Variants in ZCCHC8 observed in about 807,000 individuals in gnomAD.
ZCCHC8 encodes the protein zinc finger CCHC-type containing 8.
ZCCHC8 carries 27 observed loss-of-function variants against 70.6 expected under a neutral mutation model. The observed-to-expected ratio is 0.38, with a 90% CI of 0.28 to 0.53. ZCCHC8 has a LOEUF of 0.53. ZCCHC8 is among the 20% of genes least tolerant of loss of function. The pLI is 0.81. For synonymous variants in ZCCHC8, 293 were observed against 317.4 expected (o/e 0.92, Z 0.82); for missense variants, 737 against 876.9 (o/e 0.84, Z 2.01).
At chr12:122,488,357 T>C (rs7294365) in intron 5 of ZCCHC8, among the ~76,000 whole-genome samples, 6,888 of 151,896 alleles carry the variant, frequency 0.045, 537 homozygotes, top group African/African-American at 0.16. Context: ...CTTAAGAATT[T>C]TTCATAGAGA....
intron 5 of ZCCHC8, chr12:122,484,026 C>G (rs1476154394): frequency 1.2e-5 from 2 of 161,230 alleles, no homozygotes; most frequent in African/African-American, 4.8e-5. Flanking sequence ...TTCACCTAAA[C>G]AACTGTTAAT....
In ZCCHC8 at chr12:122,483,648, CA is replaced by C; in HGVS notation, c.502-86del. On this transcript the variant is annotated intron_variant, in intron 5 of 13. Coordinates refer to ENST00000633063, the MANE Select transcript of ZCCHC8 (RefSeq NM_017612.5). This position sits in a 1 kb window ranked among gnomAD's most constrained non-coding sequence, Gnocchi z 4.4. ...GTAAGATTATGATTAACTGTTTTAA[CA>C]ATTTATTTTTGGATGGAATTATTAG... 9.0e-7 allele frequency: 1 copy of C among 1,108,266 alleles called. No homozygotes were observed. Among genetic ancestry groups the C allele is most frequent in the African/African-American group, 1.6e-5 (1 of 62,818 alleles). The allele number at this position is 1,108,266 out of a possible 1,614,324, so 68.7% of individuals were successfully genotyped here. A position where few individuals can be genotyped will look rare whatever the true frequency, so the allele number is the denominator to read the frequency against.
At chr12:122,489,820 G>C (rs1957712906) in intron 4 of ZCCHC8, among the ~76,000 whole-genome samples, 1 of 152,018 alleles carries the variant, frequency 6.6e-6, no homozygotes, top group South Asian at 2.1e-4. Flanking sequence ...GAATTTTATT[G>C]TTAAATGTAT....
intron 9 of ZCCHC8, 99 bp downstream of exon 9, chr12:122,481,846 G>C: frequency 2.1e-6 from 3 of 1,456,026 alleles, no homozygotes; most frequent in Non-Finnish European, 2.7e-6. Flanking sequence ...GGCTTTGCCA[G>C]AGTACACTTA....
intron 4 of ZCCHC8, 140 bp from the exon 5 acceptor site, chr12:122,489,603 G>T: frequency 3.8e-6 from 3 of 783,638 alleles, no homozygotes; most frequent in Non-Finnish European, 6.4e-6. Context: ...TAAAAGGAGA[G>T]CTTCTTCTGA....
At chr12:122,491,853 G>A (rs1472128929) in intron 3 of ZCCHC8, among the ~76,000 whole-genome samples, 1 of 151,072 alleles carries the variant, frequency 6.6e-6, no homozygotes, top group Non-Finnish European at 1.5e-5. Context: ...AAAGATTTCT[G>A]CAGGTGAAAC....
chr12:122,492,859 A>G (rs1593330611), intron 2 of ZCCHC8, 70 bp from the exon 3 acceptor site: 3 of 1,034,704 alleles, frequency 2.9e-6, no homozygotes, highest in South Asian at 1.5e-5. Context: ...ATATAAACGC[A>G]TAACTTTTAT....
intron 13 of ZCCHC8, among the ~76,000 whole-genome samples, chr12:122,475,369 C>T (rs570948642): frequency 6.6e-6 from 1 of 152,300 alleles, no homozygotes; most frequent in South Asian, 2.1e-4. Flanking sequence ...CTAATCTACA[C>T]TGCTCGCCTG....
intron 12 of ZCCHC8, 92 bp from the exon 13 acceptor site, chr12:122,478,050 C>G: frequency 8.1e-7 from 1 of 1,241,994 alleles, no homozygotes; most frequent in Non-Finnish European, 1.2e-6. Context: ...GAAAAACAAT[C>G]TGGAGTTAAG....
chr12:122,498,879 T>C lies in ZCCHC8; in HGVS notation c.200-10A>G, dbSNP rs370422041. 2.5e-6 allele frequency: 4 copies of C among 1,612,092 alleles called. No individual in the cohort carries two copies. Among genetic ancestry groups the C allele is most frequent in the Non-Finnish European group, 3.4e-6 (4 of 1,178,606 alleles). ...CGTTTAAGTTCTTGATGTTATTATT[T>C]GTTAAGGAAGATAAGCCCTCATTTA... is the stretch of plus-strand genomic sequence containing the variant. On this transcript the variant is annotated splice_polypyrimidine_tract_variant and intron_variant, in intron 1 of 13. Transcript: ENST00000633063.
chr12:122,474,199 TGGA>T lies in ZCCHC8; in HGVS notation c.1419_1421del (p.Pro474del), dbSNP rs780261878. 14 of 1,503,768 alleles carry T rather than the reference TGGA, an allele frequency of 9.3e-6. No homozygotes were observed. The Admixed American group carries it at 2.5e-4, about 27-fold the overall frequency. 93.2% of individuals were successfully genotyped at this position (1,503,768 alleles called of 1,614,324 possible). On this transcript the variant is annotated inframe_deletion, in exon 14 of 14. Transcript: ENST00000633063. Reference sequence around the variant, plus strand: ...CGGGTGGAGGAGTTCCCCGGGGGAGTGGAGGAGTGTCAGGAGGTAATGGTGGTT... The same window carrying T: ...CGGGTGGAGGAGTTCCCCGGGGGAGTGGAGTGTCAGGAGGTAATGGTGGTT...
In ZCCHC8 at chr12:122,493,923, T is replaced by G. The variant is rs568092269; in HGVS notation, c.243-1134A>C. Among the ~76,000 whole-genome samples the G allele has an allele frequency of 6.6e-5, 10 of 152,280 alleles. No individual in the cohort carries two copies. In the East Asian group the frequency reaches 1.9e-3, roughly 29 times the overall value. On this transcript the variant is annotated intron_variant, in intron 2 of 13. Coordinates refer to ENST00000633063, the MANE Select transcript of ZCCHC8 (RefSeq NM_017612.5). ...CCACCGCGCCCAGCCTGTGCCTGTATTTTTCTAAAGGAATCTAAATGAATT... is the reference window on the plus strand; with the variant it reads ...CCACCGCGCCCAGCCTGTGCCTGTAGTTTTCTAAAGGAATCTAAATGAATT...
intron 3 of ZCCHC8, among the ~76,000 whole-genome samples, chr12:122,491,923 T>C (rs538702349): frequency 2.0e-5 from 3 of 152,126 alleles, no homozygotes; most frequent in Non-Finnish European, 4.4e-5. Flanking sequence ...GATTCTAACC[T>C]GGGCATGAGA....
chr12:122,498,371 C>T (rs1024387657), intron 2 of ZCCHC8, among the ~76,000 whole-genome samples: 14 of 151,914 alleles, frequency 9.2e-5, no homozygotes, highest in South Asian at 2.1e-4. Context: ...TCAGTTGATC[C>T]GCCCACCTCG....
chr12:122,473,781 A>G lies in ZCCHC8; in HGVS notation c.1840T>C (p.Leu614=). The stretch of plus-strand genomic sequence containing the variant: ...GCACCTTCAGTGTTTACCGGAGCCA[A>G]CTCTGCTTTTTCCTTCTGACAAAGT... The part of the protein sequence containing the change: ...TSLCQKEKAE[L]APVNTEGALL... Residue 614 remains leucine (L), a synonymous_variant, in exon 14 of 14, where the codon TTG becomes CTG. Coordinates refer to ENST00000633063, the MANE Select transcript of ZCCHC8 (RefSeq NM_017612.5). 1.2e-6 allele frequency: 2 copies of G among 1,612,858 alleles called. No homozygotes were observed. The highest frequency in any genetic ancestry group is 8.5e-7 in the Non-Finnish European group (1 of 1,179,182).
At chr12:122,485,739 C>T (rs750329999) in intron 5 of ZCCHC8, among the ~76,000 whole-genome samples, 1 of 151,314 alleles carries the variant, frequency 6.6e-6, no homozygotes, top group Non-Finnish European at 1.5e-5. Flanking sequence ...GGCGCGATCT[C>T]GGCTCACTGC....
intron 3 of ZCCHC8, among the ~76,000 whole-genome samples, chr12:122,491,847 AT>A (rs974250034): frequency 2.0e-5 from 3 of 148,482 alleles, no homozygotes; most frequent in Non-Finnish European, 4.5e-5. Flanking sequence ...AAAAAAAAAG[AT>A]TTCTGCAGGT....
intron 3 of ZCCHC8, 51 bp from the exon 4 acceptor site, chr12:122,490,618 T>A: frequency 8.7e-7 from 1 of 1,147,856 alleles, no homozygotes; most frequent in Non-Finnish European, 1.2e-6. Flanking sequence ...AAACATTCAA[T>A]AGACTGAAGT....
At chr12:122,479,144 C>T (rs1407227594) in intron 11 of ZCCHC8, among the ~76,000 whole-genome samples, 1 of 152,212 alleles carries the variant, frequency 6.6e-6, no homozygotes, top group East Asian at 1.9e-4. Flanking sequence ...GGCACGATCT[C>T]GGCTCACTGC....
Sources: allele counts gnomAD v4.1 joint callset (sites outside exome capture counted in the v4.1 genomes callset), GRCh38; gene constraint gnomAD v4.1.1; non-coding constraint Gnocchi (gnomAD v3.1); transcripts MANE v1.5; gene names NCBI Gene and HGNC (gene_info 2026-07-23, HGNC 2026-07-21).